Variants in DSCAM observed in about 807,000 individuals in gnomAD.
DSCAM encodes cell adhesion molecule DSCAM.
In DSCAM, 47 loss-of-function variants were observed where a neutral mutation model predicts 217.7. That is an observed-to-expected ratio of 0.22 (90% CI 0.17 to 0.28). The LOEUF is 0.28. Among genes scored for constraint, DSCAM ranks in the 10% least tolerant of loss-of-function variants. The pLI is 1.00. For synonymous variants in DSCAM, 1,056 were observed against 1,015.3 expected, an observed-to-expected ratio of 1.04 and a Z score of -0.76; for missense variants, 2,080 against 2,618.3, an observed-to-expected ratio of 0.79 and a Z score of 4.49.
At chr21:40,534,715 A>C in intron 3 of DSCAM, among the ~76,000 whole-genome samples, 1 of 152,330 alleles carries the variant, frequency 6.6e-6, no homozygotes, top group South Asian at 2.1e-4. Flanking sequence ...AGAGTGATAT[A>C]TTTTTAAAAA....
intron 19 of DSCAM, among the ~76,000 whole-genome samples, chr21:40,130,897 C>T (rs1012460115): frequency 6.6e-6 from 1 of 151,608 alleles, no homozygotes; most frequent in African/African-American, 2.4e-5. Flanking sequence ...AGCCTCCAGG[C>T]TCCCTAGATT....
intron 9 of DSCAM, among the ~76,000 whole-genome samples, chr21:40,307,213 C>A (rs1337215826): frequency 6.7e-6 from 1 of 149,154 alleles, no homozygotes; most frequent in Admixed American, 6.6e-5. Flanking sequence ...CCAGAATCTA[C>A]AATGAACTCA....
intron 3 of DSCAM, among the ~76,000 whole-genome samples, chr21:40,660,204 C>A (rs2090124020): frequency 6.6e-6 from 1 of 152,162 alleles, no homozygotes; most frequent in Non-Finnish European, 1.5e-5. Context: ...CACAGATATG[C>A]TTAACTTGAA....
chr21:40,633,757 C>T (rs370843276), intron 3 of DSCAM, among the ~76,000 whole-genome samples: 19 of 152,284 alleles, frequency 1.2e-4, no homozygotes, highest in African/African-American at 4.1e-4. Context: ...GGAGTCAAAA[C>T]GCAAATGCCT....
chr21:40,301,140 C>G (rs2074010386), intron 9 of DSCAM, among the ~76,000 whole-genome samples: 1 of 152,204 alleles, frequency 6.6e-6, no homozygotes, highest in Non-Finnish European at 1.5e-5. Flanking sequence ...CATATTGCCT[C>G]TTATTTAGAT....
chr21:40,364,164 C>A (rs1215237876), intron 4 of DSCAM, among the ~76,000 whole-genome samples: 2 of 152,108 alleles, frequency 1.3e-5, no homozygotes, highest in African/African-American at 2.4e-5. Flanking sequence ...TTGACCCAGC[C>A]ATCCCATTAC....
intron 11 of DSCAM, among the ~76,000 whole-genome samples, chr21:40,260,084 T>A (rs188983901): frequency 1.3e-5 from 2 of 152,282 alleles, no homozygotes; most frequent in Non-Finnish European, 2.9e-5. Flanking sequence ...GGTTTTATTA[T>A]ACAACATACT....
At chr21:40,519,526 C>A (rs568342570) in intron 3 of DSCAM, among the ~76,000 whole-genome samples, 1 of 152,102 alleles carries the variant, frequency 6.6e-6, no homozygotes, top group African/African-American at 2.4e-5. Context: ...AGCAAGAAGG[C>A]GCTGTCTATG....
chr21:40,244,916 G>C (rs2073202361), intron 11 of DSCAM, among the ~76,000 whole-genome samples: 1 of 152,002 alleles, frequency 6.6e-6, no homozygotes, highest in Admixed American at 6.5e-5. Context: ...TAATGAGACA[G>C]TGCTCATTTC....
rs761687929 is a variant in DSCAM, at chr21:40,602,053, CTTTTT to C, written c.508+90752_508+90756del. 1.3e-4 allele frequency among the ~76,000 whole-genome samples: 12 copies of C among 89,520 alleles called. No individual in the cohort carries two copies. In the East Asian group the frequency reaches 3.2e-3, roughly 24 times the overall value. The allele number at this position is 89,520 out of a possible 152,430, so 58.7% of individuals were successfully genotyped here. On this transcript the variant is annotated intron_variant, in intron 3 of 32. Transcript: ENST00000400454. Reference sequence around the variant, plus strand: ...TTAGCAAATGTTCCCTCTGCTTCTACTTTTTTTTTTTTTTTTTTTTTTTTTGAGAT... The same window carrying C: ...TTAGCAAATGTTCCCTCTGCTTCTACTTTTTTTTTTTTTTTTTTTTGAGAT...
rs190361283 is a variant in DSCAM, at chr21:40,303,137, G to T, written c.2063-6963C>A. Among the ~76,000 whole-genome samples the T allele has an allele frequency of 9.4e-4, 143 of 152,200 alleles. 2 individuals carry two copies. Among genetic ancestry groups the T allele is most frequent in the Admixed American group, 9.3e-3 (142 of 15,278 alleles). On this transcript the variant is annotated intron_variant, in intron 9 of 32. Transcript: ENST00000400454. ...ACTTGGTGACATTTAGTTGAGATGGGACTTGGCCAAAGTCTAGGTAAGATT... is the reference window on the plus strand; with the variant it reads ...ACTTGGTGACATTTAGTTGAGATGGTACTTGGCCAAAGTCTAGGTAAGATT...
intron 8 of DSCAM, among the ~76,000 whole-genome samples, chr21:40,325,044 A>T (rs1490391871): frequency 6.6e-6 from 1 of 152,134 alleles, no homozygotes; most frequent in Admixed American, 6.5e-5. Context: ...TTTTACAAGG[A>T]TTGTTAGTAA....
intron 19 of DSCAM, among the ~76,000 whole-genome samples, chr21:40,127,999 T>C (rs1014996711): frequency 9.2e-5 from 14 of 151,754 alleles, no homozygotes. Context: ...CTCTTACTCA[T>C]CTCTCAGGTT....
chr21:40,699,377 C>A (rs2090630499), intron 2 of DSCAM, among the ~76,000 whole-genome samples: 1 of 152,146 alleles, frequency 6.6e-6, no homozygotes, highest in South Asian at 2.1e-4. Context: ...CTACAGTGGT[C>A]TTTAAGTATT....
In DSCAM at chr21:40,694,257, A is replaced by G. The variant is rs551375060; in HGVS notation, c.362-1301T>C. ...GGAACCTCTTCAAGGTCTAAATCTT[A>G]TAAGTCTATGATTTTCTAAGATACC... On this transcript the variant is annotated intron_variant, in intron 2 of 32. Transcript: ENST00000400454. Among the ~76,000 whole-genome samples the G allele has an allele frequency of 1.3e-3, 200 of 152,326 alleles. 2 individuals carry two copies. The highest frequency in any genetic ancestry group is 2.4e-4 in the Non-Finnish European group (16 of 68,020).
chr21:40,326,721 C>T (rs1569065077), intron 8 of DSCAM, among the ~76,000 whole-genome samples: 1 of 152,022 alleles, frequency 6.6e-6, no homozygotes, highest in Non-Finnish European at 1.5e-5. Context: ...GCTTAGTGAA[C>T]CACTGCACAG....
intron 3 of DSCAM, among the ~76,000 whole-genome samples, chr21:40,654,714 A>G (rs770951835): frequency 7.9e-5 from 12 of 152,034 alleles, no homozygotes; most frequent in Non-Finnish European, 1.5e-4. Context: ...CTCACATCTC[A>G]TCATGCTGAA....
intron 11 of DSCAM, among the ~76,000 whole-genome samples, chr21:40,245,613 G>C (rs1231232762): frequency 6.6e-6 from 1 of 152,234 alleles, no homozygotes; most frequent in Admixed American, 6.5e-5. Context: ...TTCAGGGTTG[G>C]TGCTGGCAGG....
chr21:40,786,950 C>T (rs2091599502), intron 1 of DSCAM, among the ~76,000 whole-genome samples: 1 of 152,212 alleles, frequency 6.6e-6, no homozygotes, highest in South Asian at 2.1e-4. Context: ...CAGGATGACA[C>T]AGTTTGCAAA....
Sources: gnomAD v4.1 joint callset for allele counts (sites outside exome capture counted in the v4.1 genomes callset) on GRCh38, gnomAD v4.1.1 for gene constraint, MANE v1.5 for transcripts, NCBI Gene and HGNC (gene_info 2026-07-23, HGNC 2026-07-21) for gene names.